GAD2: variants seen among roughly 807,000 people sequenced by gnomAD.
The protein encoded by GAD2 is glutamate decarboxylase 2, also known as 65 kDa glutamic acid decarboxylase.
Under a neutral mutation model 80.1 loss-of-function variants are expected in GAD2, and 22 were observed. The ratio of observed to expected loss-of-function variants is 0.27; its 90% CI spans 0.20 to 0.39. The LOEUF (loss-of-function observed/expected upper bound fraction) is 0.39, where lower values mean the gene tolerates loss of function less well. GAD2 is among the 10% of genes least tolerant of loss of function. The pLI is 1.00. For synonymous variants in GAD2, 274 were observed against 256.9 expected (o/e 1.07, Z -0.64); for missense variants, 624 against 738.4 (o/e 0.85, Z 1.80).
At chr10:26,269,025 T>G in intron 8 of GAD2, 94 bp from the exon 9 acceptor site, 1 of 796,970 alleles carries the variant, frequency 1.3e-6, no homozygotes, top group Non-Finnish European at 2.0e-6. Flanking sequence ...TATCAACAGT[T>G]TGGGGTTGGA....
intron 10 of GAD2, among the ~76,000 whole-genome samples, chr10:26,272,809 A>C (rs918411624): frequency 2.6e-5 from 4 of 152,220 alleles, no homozygotes; most frequent in African/African-American, 9.6e-5. Context: ...GGTTGCAGTG[A>C]GCCAAGATCT....
At position 26,301,834 on chromosome 10, in the gene GAD2, C is replaced by A. The variant is rs1834332483; in HGVS notation, c.*873C>A. On this transcript the variant is annotated 3_prime_UTR_variant, in exon 16 of 16. Coordinates refer to ENST00000376261, the MANE Select transcript of GAD2 (RefSeq NM_001134366.2). ...TAGCGGACTCACTCTGCAAGCGTGA[C>A]AAACCAGGCTTCATCTCAGATTAAA... 6.6e-6 allele frequency: 1 copy of A among 152,190 alleles called. No homozygotes were observed. The highest frequency in any genetic ancestry group is 2.4e-5 in the African/African-American group (1 of 41,436). 9.4% of individuals were successfully genotyped at this position (152,190 alleles called of 1,614,324 possible). A position where few individuals can be genotyped will look rare whatever the true frequency, so the allele number is the denominator to read the frequency against.
At chr10:26,256,352 C>T (rs529933566) in intron 8 of GAD2, among the ~76,000 whole-genome samples, 1 of 152,258 alleles carries the variant, frequency 6.6e-6, no homozygotes, top group Admixed American at 6.5e-5. Flanking sequence ...CAAGGATATT[C>T]ACTTACACAA....
chr10:26,224,035 G>A (rs923536219), intron 5 of GAD2, 58 bp downstream of exon 5: 35 of 1,203,004 alleles, frequency 2.9e-5, no homozygotes, highest in Non-Finnish European at 4.3e-5. Context: ...ACATTCCATA[G>A]TCTTTACATC....
At chr10:26,269,457 C>T (rs989507984) in intron 9 of GAD2, among the ~76,000 whole-genome samples, 1 of 152,244 alleles carries the variant, frequency 6.6e-6, no homozygotes, top group African/African-American at 2.4e-5. Flanking sequence ...AACACCCACA[C>T]ATTTGAAAGA....
intron 11 of GAD2, among the ~76,000 whole-genome samples, chr10:26,275,815 T>TCCAGAGGATCCTTAGTAGTC (rs1372669542): frequency 6.6e-6 from 1 of 152,072 alleles, no homozygotes; most frequent in Non-Finnish European, 1.5e-5. Flanking sequence ...TGTCCCCAAA[T>TCCAGAGGATCCTTAGTAGTC]CCAGAGGATC....
intron 8 of GAD2, among the ~76,000 whole-genome samples, chr10:26,260,623 A>G (rs972360895): frequency 1.3e-5 from 2 of 152,166 alleles, no homozygotes; most frequent in East Asian, 1.9e-4. Context: ...GCAAGATTCC[A>G]TCTCAAGAAA....
At chr10:26,241,884 G>A (rs1413229821) in intron 7 of GAD2, among the ~76,000 whole-genome samples, 1 of 152,186 alleles carries the variant, frequency 6.6e-6, no homozygotes, top group Non-Finnish European at 1.5e-5. Context: ...GCTGACAGAT[G>A]TAGTTGCCCA....
intron 12 of GAD2, among the ~76,000 whole-genome samples, chr10:26,282,759 T>C (rs915291100): frequency 2.0e-5 from 3 of 152,236 alleles, no homozygotes; most frequent in Non-Finnish European, 4.4e-5. Context: ...ATTACTTCTG[T>C]GGTTCTTAAT....
chr10:26,271,692 A>G (rs560850822), intron 10 of GAD2, among the ~76,000 whole-genome samples: 24 of 152,328 alleles, frequency 1.6e-4, no homozygotes, highest in African/African-American at 5.5e-4. Context: ...AGCCAGGGCT[A>G]TAACAATGAT....
chr10:26,251,187 C>G (rs1216545328), intron 8 of GAD2, among the ~76,000 whole-genome samples: 1 of 151,950 alleles, frequency 6.6e-6, no homozygotes, highest in African/African-American at 2.4e-5. Flanking sequence ...CGTGCACCAC[C>G]ATGCCCAGCC....
At chr10:26,231,779 C>G (rs920140240) in intron 7 of GAD2, among the ~76,000 whole-genome samples, 7 of 152,164 alleles carry the variant, frequency 4.6e-5, no homozygotes, top group African/African-American at 1.7e-4. Flanking sequence ...TTTCCAGTTT[C>G]TAGAGGCCAC....
chr10:26,286,192 T>C (rs540639607), intron 12 of GAD2, among the ~76,000 whole-genome samples, 153 bp from the exon 13 acceptor site: 2 of 152,330 alleles, frequency 1.3e-5, no homozygotes, highest in East Asian at 3.9e-4. Context: ...CTGTCCAGAA[T>C]TGCCCCCATT....
chr10:26,288,656 C>T (rs117901773), intron 13 of GAD2, among the ~76,000 whole-genome samples: 1,582 of 152,250 alleles, frequency 0.01, 12 homozygotes, highest in Non-Finnish European at 0.017. Flanking sequence ...GCTGAGGAAA[C>T]CTTGATCTCT....
chr10:26,290,252 G>C (rs756905578), intron 13 of GAD2, among the ~76,000 whole-genome samples: 1 of 152,150 alleles, frequency 6.6e-6, no homozygotes, highest in Non-Finnish European at 1.5e-5. Context: ...TTCCAGACAA[G>C]ATAAGATAAA....
In GAD2 at chr10:26,302,660, A is replaced by G. The variant is rs1834339461; in HGVS notation, c.*1699A>G. On this transcript the variant is annotated 3_prime_UTR_variant, in exon 16 of 16. Transcript: ENST00000376261. ...TCAACGGGTAGAAATGCCCTACAATATAACATAGAGAAATGCCCTATAATA... is the reference window on the plus strand; with the variant it reads ...TCAACGGGTAGAAATGCCCTACAATGTAACATAGAGAAATGCCCTATAATA... The G allele has an allele frequency of 1.3e-5, 2 of 152,374 alleles. No individual in the cohort carries two copies. Among genetic ancestry groups the G allele is most frequent in the Middle Eastern group, 3.4e-3 (1 of 294 alleles). 9.4% of individuals were successfully genotyped at this position (152,374 alleles called of 1,614,324 possible). A position where few individuals can be genotyped will look rare whatever the true frequency, so the allele number is the denominator to read the frequency against.
At chr10:26,291,735 G>C (rs1362555798) in intron 13 of GAD2, among the ~76,000 whole-genome samples, 3 of 152,202 alleles carry the variant, frequency 2.0e-5, no homozygotes, top group Admixed American at 2.0e-4. Context: ...ATTTTGAAAA[G>C]TAACTCTCTT....
chr10:26,270,855 G>T lies in GAD2; in HGVS notation c.1092+99G>T. On this transcript the variant is annotated intron_variant, in intron 10 of 15. Transcript: ENST00000376261. ...GTTTTCTCTTTTTTTAACTTGGTCA[G>T]CTTATTTTCAGAGTGGTGATATTAA... 1.7e-5 allele frequency: 14 copies of T among 847,184 alleles called. No homozygotes were observed. The South Asian group carries it at 1.9e-4, about 11-fold the overall frequency. The allele number at this position is 847,184 out of a possible 1,614,324, so 52.5% of individuals were successfully genotyped here.
intron 12 of GAD2, among the ~76,000 whole-genome samples, chr10:26,281,749 G>A (rs8190752): frequency 9.6e-4 from 146 of 152,206 alleles, no homozygotes; most frequent in South Asian, 3.3e-3. Flanking sequence ...TTCTCAGTAG[G>A]TGAGCACTGT....
Sources: gnomAD v4.1 joint callset for allele counts (sites outside exome capture counted in the v4.1 genomes callset) on GRCh38, gnomAD v4.1.1 for gene constraint, MANE v1.5 for transcripts, NCBI Gene and HGNC (gene_info 2026-07-23, HGNC 2026-07-21) for gene names.